TMEM132D: variants seen among roughly 807,000 people sequenced by gnomAD.
The protein encoded by TMEM132D is transmembrane protein 132D.
In TMEM132D, 21 loss-of-function variants were observed where a neutral mutation model predicts 62.3. The ratio of observed to expected loss-of-function variants is 0.34; its 90% CI spans 0.24 to 0.49. The LOEUF is 0.49. TMEM132D is among the 20% of genes least tolerant of loss of function. TMEM132D has a pLI of 0.99. For missense variants in TMEM132D, 1,346 were observed against 1,402.8 expected (o/e 0.96, Z 0.65); for synonymous variants, 621 against 575.6 (o/e 1.08, Z -1.13).
At position 129,700,724 on chromosome 12, in the gene TMEM132D, G is replaced by T. The variant is rs775038238; in HGVS notation, c.80-26C>A. ...CTGTGGGGAGGGAATCGCAGTGCAGGCGTTAGTAATGCTAAGGTCCTGTTA... is the reference window on the plus strand; with the variant it reads ...CTGTGGGGAGGGAATCGCAGTGCAGTCGTTAGTAATGCTAAGGTCCTGTTA... On this transcript the variant is annotated intron_variant, in intron 1 of 8. Coordinates refer to ENST00000422113, the MANE Select transcript of TMEM132D (RefSeq NM_133448.3). 5 of 1,573,392 alleles carry T rather than the reference G, an allele frequency of 3.2e-6. No homozygotes were observed. In the African/African-American group the frequency reaches 5.4e-5, roughly 17 times the overall value.
intron 3 of TMEM132D, among the ~76,000 whole-genome samples, chr12:129,521,083 T>C (rs1875835955): frequency 1.3e-5 from 2 of 152,248 alleles, no homozygotes; most frequent in African/African-American, 4.8e-5. Flanking sequence ...ATGTCTCTTG[T>C]AGACTTTGAA....
intron 2 of TMEM132D, among the ~76,000 whole-genome samples, chr12:129,556,257 G>C (rs1335216567): frequency 6.6e-6 from 1 of 152,156 alleles, no homozygotes; most frequent in African/African-American, 2.4e-5. Context: ...CCCAGCAGCT[G>C]TCTGTGCACC....
chr12:129,718,235 G>A (rs1265774452), intron 1 of TMEM132D, among the ~76,000 whole-genome samples: 2 of 152,212 alleles, frequency 1.3e-5, no homozygotes, highest in Non-Finnish European at 2.9e-5. Flanking sequence ...CAGGGAGATG[G>A]AACAGGCAAA....
chr12:129,127,803 C>T (rs1876259475), intron 5 of TMEM132D, among the ~76,000 whole-genome samples: 1 of 152,212 alleles, frequency 6.6e-6, no homozygotes. Context: ...GCACCCGATG[C>T]CTCTTGTCTC....
chr12:129,226,196 G>C (rs1164245187), intron 4 of TMEM132D, among the ~76,000 whole-genome samples: 1 of 152,224 alleles, frequency 6.6e-6, no homozygotes, highest in Non-Finnish European at 1.5e-5. Context: ...AGCATTGGAG[G>C]CTTGCGATAA....
chr12:129,556,511 G>T (rs573194094), intron 2 of TMEM132D, among the ~76,000 whole-genome samples: 2 of 151,912 alleles, frequency 1.3e-5, no homozygotes, highest in Admixed American at 6.6e-5. Flanking sequence ...GCAGAGGGTT[G>T]TCTCAGTGGT....
chr12:129,073,681 G>GTACTC lies in TMEM132D; in HGVS notation c.*189_*193dup. On this transcript the variant is annotated 3_prime_UTR_variant, in exon 9 of 9. Coordinates refer to ENST00000422113, the MANE Select transcript of TMEM132D (RefSeq NM_133448.3). Reference sequence around the variant, plus strand: ...TGATAAACCTCTTAAGCAAGACACTGTACTCTGGAATGTGTGCGTCGATGC... The same window carrying GTACTC: ...TGATAAACCTCTTAAGCAAGACACTGTACTCTACTCTGGAATGTGTGCGTCGATGC... 4 of 521,484 alleles carry GTACTC rather than the reference G, an allele frequency of 7.7e-6. No individual in the cohort carries two copies. Among genetic ancestry groups the GTACTC allele is most frequent in the Non-Finnish European group, 1.3e-5 (4 of 299,404 alleles). 32.3% of individuals were successfully genotyped at this position (521,484 alleles called of 1,614,324 possible). A position where few individuals can be genotyped will look rare whatever the true frequency, so the allele number is the denominator to read the frequency against.
At chr12:129,551,760 T>C (rs974797634) in intron 2 of TMEM132D, among the ~76,000 whole-genome samples, 1 of 152,204 alleles carries the variant, frequency 6.6e-6, no homozygotes, top group Admixed American at 6.5e-5. Context: ...CTGAAGGTCA[T>C]AGAGTTGGGA....
chr12:129,199,548 C>A (rs1199938528), intron 5 of TMEM132D, among the ~76,000 whole-genome samples: 1 of 152,136 alleles, frequency 6.6e-6, no homozygotes, highest in East Asian at 1.9e-4. Context: ...ATGTTGTTTT[C>A]TCTAAACTAA....
intron 2 of TMEM132D, among the ~76,000 whole-genome samples, chr12:129,540,274 G>A (rs528039345): frequency 5.3e-5 from 8 of 152,218 alleles, no homozygotes; most frequent in Non-Finnish European, 1.0e-4. Context: ...GTAGAAACAG[G>A]GAGAAGGGGC....
chr12:129,584,929 T>C (rs1877981914), intron 2 of TMEM132D, among the ~76,000 whole-genome samples: 1 of 152,184 alleles, frequency 6.6e-6, no homozygotes, highest in Non-Finnish European at 1.5e-5. Flanking sequence ...GCATGGGGTG[T>C]TGCATGTGGA....
chr12:129,088,206 G>A (rs372886754), intron 5 of TMEM132D, among the ~76,000 whole-genome samples: 258 of 20,946 alleles, frequency 0.012, 47 homozygotes, highest in Non-Finnish European at 0.018. Context: ...CTCCATGACC[G>A]GGTGTCCTCC....
chr12:129,647,047 G>C (rs545180584), intron 2 of TMEM132D, among the ~76,000 whole-genome samples: 20 of 151,672 alleles, frequency 1.3e-4, no homozygotes, highest in African/African-American at 4.4e-4. Context: ...TGATCCACCT[G>C]CCTCGGCCTC....
chr12:129,683,682 C>G (rs1332481072), intron 2 of TMEM132D, among the ~76,000 whole-genome samples: 4 of 152,148 alleles, frequency 2.6e-5, no homozygotes, highest in African/African-American at 9.7e-5. Context: ...TGCCATGCCA[C>G]TATATAGTCT....
intron 3 of TMEM132D, among the ~76,000 whole-genome samples, chr12:129,358,935 G>T (rs1191358902): frequency 6.7e-6 from 1 of 148,284 alleles, no homozygotes; most frequent in Non-Finnish European, 1.5e-5. Flanking sequence ...CTGTTGAGCT[G>T]TGGGTAGAAG....
chr12:129,289,887 A>G lies in TMEM132D; in HGVS notation c.1299+47747T>C, dbSNP rs947629031. Among the ~76,000 whole-genome samples the G allele has an allele frequency of 3.9e-5, 6 of 152,270 alleles. No individual in the cohort carries two copies. In the East Asian group the frequency reaches 9.7e-4, roughly 25 times the overall value. ...AATTAAGACAAGGCCATAGAAAACT[A>G]AGAGTGTAAGAAATTATTCTGGACT... On this transcript the variant is annotated intron_variant, in intron 4 of 8. Coordinates refer to ENST00000422113, the MANE Select transcript of TMEM132D (RefSeq NM_133448.3).
chr12:129,352,641 T>C (rs968470317), intron 3 of TMEM132D, among the ~76,000 whole-genome samples: 1 of 152,024 alleles, frequency 6.6e-6, no homozygotes, highest in Middle Eastern at 3.2e-3. Flanking sequence ...ATTTATGTGG[T>C]CAACAAACAT....
intron 4 of TMEM132D, among the ~76,000 whole-genome samples, chr12:129,328,841 C>T (rs558219676): frequency 1.5e-4 from 23 of 152,184 alleles, no homozygotes; most frequent in African/African-American, 5.5e-4. Flanking sequence ...AATCTAATTT[C>T]AGCTCAGCTT....
intron 3 of TMEM132D, among the ~76,000 whole-genome samples, chr12:129,432,418 G>A (rs1049597245): frequency 3.3e-5 from 5 of 152,216 alleles, no homozygotes; most frequent in African/African-American, 1.2e-4. Context: ...AGAAGAGTGG[G>A]TTTTTGTTTG....
Sources: gnomAD v4.1 joint callset for allele counts (sites outside exome capture counted in the v4.1 genomes callset) on GRCh38, gnomAD v4.1.1 for gene constraint, MANE v1.5 for transcripts, NCBI Gene and HGNC (gene_info 2026-07-23, HGNC 2026-07-21) for gene names.